Variants in AGAP3 observed in about 807,000 individuals in gnomAD.
The protein encoded by AGAP3 is ArfGAP with GTPase domain, ankyrin repeat and PH domain 3, also known as arf-GAP with GTPase, ANK repeat and PH domain-containing protein 3.
AGAP3 carries 24 observed loss-of-function variants against 96.9 expected under a neutral mutation model. The ratio of observed to expected loss-of-function variants is 0.25; its 90% CI spans 0.18 to 0.35. The LOEUF (loss-of-function observed/expected upper bound fraction) is 0.35, where lower values mean the gene tolerates loss of function less well. Ranked by LOEUF, AGAP3 falls within the 10% of genes least tolerant of loss-of-function variation. The pLI, the probability that AGAP3 is intolerant of heterozygous loss-of-function variation, is 1.00. For missense variants in AGAP3, 876 were observed against 1,254.2 expected, an observed-to-expected ratio of 0.70 and a Z score of 4.55; for synonymous variants, 563 against 536.1, an observed-to-expected ratio of 1.05 and a Z score of -0.69.
intron 1 of AGAP3, among the ~76,000 whole-genome samples, chr7:151,093,519 C>G (rs192077272): frequency 1.8e-4 from 27 of 152,262 alleles, no homozygotes; most frequent in Non-Finnish European, 2.8e-4. Context: ...ACAAGCCATT[C>G]AAATGTAGAA....
intron 12 of AGAP3, among the ~76,000 whole-genome samples, chr7:151,138,804 G>A (rs1032144853): frequency 6.6e-6 from 1 of 152,164 alleles, no homozygotes; most frequent in African/African-American, 2.4e-5. Context: ...CATCTCGCCC[G>A]CTACTGTGGA....
intron 1 of AGAP3, chr7:151,087,346 C>G (rs1224554990): frequency 2.2e-6 from 1 of 462,066 alleles, no homozygotes; most frequent in Non-Finnish European, 4.0e-6. Flanking sequence ...CAGATCTGTC[C>G]AGGCCTGGCC....
At chr7:151,128,150 G>GT (rs1291082607) in intron 9 of AGAP3, among the ~76,000 whole-genome samples, 1 of 152,158 alleles carries the variant, frequency 6.6e-6, no homozygotes, top group African/African-American at 2.4e-5. Flanking sequence ...AATCTCTGCT[G>GT]TTTTGACCCT....
chr7:151,115,267 G>A, intron 1 of AGAP3: 1 of 1,001,454 alleles, frequency 1.0e-6, no homozygotes, highest in South Asian at 4.5e-5. Context: ...AGCAGCCAGC[G>A]CTGGCCAGTG....
intron 9 of AGAP3, among the ~76,000 whole-genome samples, chr7:151,125,679 G>GCCAGATCTGCAGCCCCT (rs896957324): frequency 2.0e-5 from 3 of 152,214 alleles, no homozygotes; most frequent in Non-Finnish European, 4.4e-5. Context: ...GTCCAGCCCC[G>GCCAGATCTGCAGCCCCT]CCAGATCTGC....
chr7:151,125,366 T>C (rs544924634), intron 9 of AGAP3, among the ~76,000 whole-genome samples: 3 of 152,334 alleles, frequency 2.0e-5, no homozygotes, highest in East Asian at 1.9e-4. Context: ...ACATGTTGGG[T>C]TGGGGAGGAA....
chr7:151,088,368 G>C (rs1404874016), intron 1 of AGAP3, among the ~76,000 whole-genome samples: 2 of 152,206 alleles, frequency 1.3e-5, no homozygotes, highest in African/African-American at 2.4e-5. Flanking sequence ...GAACTAATTA[G>C]GTGACAGAAA....
intron 1 of AGAP3, chr7:151,115,251 T>C (rs1236284012): frequency 1.4e-5 from 14 of 1,000,972 alleles, no homozygotes; most frequent in African/African-American, 1.8e-5. Flanking sequence ...CGGCGCGGCG[T>C]TGTGGAGCAG....
chr7:151,131,808 C>T (rs1437890206), intron 10 of AGAP3, among the ~76,000 whole-genome samples: 1 of 152,198 alleles, frequency 6.6e-6, no homozygotes, highest in Non-Finnish European at 1.5e-5. Context: ...GCTTTTCCTG[C>T]CATGTCCCAG....
intron 9 of AGAP3, among the ~76,000 whole-genome samples, chr7:151,125,233 CTT>C (rs1800106616): frequency 6.6e-6 from 1 of 152,202 alleles, no homozygotes; most frequent in Admixed American, 6.5e-5. Flanking sequence ...TGTAGACACA[CTT>C]CACCGAATTC....
intron 1 of AGAP3, among the ~76,000 whole-genome samples, chr7:151,089,087 C>T (rs1303206650): frequency 6.6e-6 from 1 of 152,094 alleles, no homozygotes; most frequent in Non-Finnish European, 1.5e-5. Context: ...CCCTGCCCAG[C>T]CTCTCCTGGC....
At chr7:151,088,486 A>G (rs1380834177) in intron 1 of AGAP3, among the ~76,000 whole-genome samples, 3 of 152,152 alleles carry the variant, frequency 2.0e-5, no homozygotes, top group African/African-American at 7.2e-5. Context: ...GAGATGACCA[A>G]TTTTTCCTCT....
chr7:151,143,395 C>T lies in AGAP3; in HGVS notation c.2328C>T (p.Ala776=). 1 of 1,614,188 alleles carries T rather than the reference C, an allele frequency of 6.2e-7. No individual in the cohort carries two copies. The highest frequency in any genetic ancestry group is 1.1e-5 in the South Asian group (1 of 91,084). Residue 776 remains alanine, a synonymous_variant, in exon 17 of 18, where the codon GCC becomes GCT. Transcript: ENST00000397238. This position sits in a 1 kb window ranked among gnomAD's most constrained non-coding sequence, Gnocchi z 5.9. ...RAKYEQKLFL[A]PLPSSDVPLG... is the part of the protein sequence containing the mutation. ...AGTATGAACAGAAGCTCTTCCTGGC[C>T]CCACTGCCAAGCTCAGATGTGCCAC...
intron 1 of AGAP3, chr7:151,115,509 G>A: frequency 9.7e-7 from 1 of 1,027,960 alleles, no homozygotes; most frequent in Non-Finnish European, 1.2e-6. Context: ...GCCGGAGCCC[G>A]GCCGCCCCCG....
At position 151,114,530 on chromosome 7, in the gene AGAP3, G is replaced by C. The variant is rs1799444023; in HGVS notation, c.332-2263G>C. 2 of 207,572 alleles carry C rather than the reference G, an allele frequency of 9.6e-6. No individual in the cohort carries two copies. Among genetic ancestry groups the C allele is most frequent in the Non-Finnish European group, 1.7e-5 (2 of 118,012 alleles). The allele number at this position is 207,572 out of a possible 1,614,324, so 12.9% of individuals were successfully genotyped here. Reference sequence around the variant, plus strand: ...TGCCCCAGCAGGCCGGCTCCCCCGCGCCGCGCCGCCGTTCCCGGGCGTTCC... The same window carrying C: ...TGCCCCAGCAGGCCGGCTCCCCCGCCCCGCGCCGCCGTTCCCGGGCGTTCC... On this transcript the variant is annotated intron_variant, in intron 1 of 17. Coordinates refer to ENST00000397238, the MANE Select transcript of AGAP3 (RefSeq NM_031946.7). The surrounding 1 kb of genome is among the most constrained non-coding windows in gnomAD (Gnocchi z 4.4).
chr7:151,099,397 CTTCT>C (rs1333008083), intron 1 of AGAP3, among the ~76,000 whole-genome samples: 2 of 143,422 alleles, frequency 1.4e-5, no homozygotes, highest in African/African-American at 2.6e-5. Context: ...ATAACAAATA[CTTCT>C]TTGTCGAGCA....
At chr7:151,115,261 G>A in intron 1 of AGAP3, 2 of 1,001,436 alleles carry the variant, frequency 2.0e-6, no homozygotes, top group Non-Finnish European at 1.2e-6. Context: ...TTGTGGAGCA[G>A]CCAGCGCTGG....
chr7:151,119,303 G>A (rs958387354), intron 7 of AGAP3: 2 of 158,872 alleles, frequency 1.3e-5, no homozygotes, highest in African/African-American at 4.8e-5. Flanking sequence ...TCTAGTGAGG[G>A]CAGTTGCGGT....
rs1417227959 is a variant in AGAP3, at chr7:151,118,436, G to T, written c.842-69G>T. On this transcript the variant is annotated intron_variant, in intron 6 of 17. Transcript: ENST00000397238. This position sits in a 1 kb window ranked among gnomAD's most constrained non-coding sequence, Gnocchi z 6.1. ...CAGTGAGAGCAAGGCTGTGTGTCTG[G>T]GGGGAGGTGCTAAGCCAGGCTTTTC... 15 of 1,600,248 alleles carry T rather than the reference G, an allele frequency of 9.4e-6. No homozygotes were observed. The highest frequency in any genetic ancestry group is 1.3e-5 in the Non-Finnish European group (15 of 1,169,650).
Sources: allele counts gnomAD v4.1 joint callset (sites outside exome capture counted in the v4.1 genomes callset), GRCh38; gene constraint gnomAD v4.1.1; non-coding constraint Gnocchi (gnomAD v3.1); transcripts MANE v1.5; gene names NCBI Gene and HGNC (gene_info 2026-07-23, HGNC 2026-07-21).